TBX5: variants seen among roughly 807,000 people sequenced by gnomAD.
TBX5 encodes the protein T-box transcription factor TBX5.
A neutral mutation model predicts 51.1 loss-of-function variants in TBX5; 8 were observed. The ratio of observed to expected loss-of-function variants is 0.16; its 90% CI spans 0.09 to 0.28. The LOEUF (loss-of-function observed/expected upper bound fraction) is 0.28. Ranked by LOEUF, TBX5 falls within the 10% of genes least tolerant of loss-of-function variation. The pLI is 1.00. For missense variants in TBX5, 589 were observed against 671.7 expected (o/e 0.88, Z 1.36); for synonymous variants, 302 against 266.4 (o/e 1.13, Z -1.30).
chr12:114,390,061 A>G (rs562163953), intron 6 of TBX5, among the ~76,000 whole-genome samples: 3 of 152,292 alleles, frequency 2.0e-5, no homozygotes, highest in Non-Finnish European at 2.9e-5. Flanking sequence ...CTGTTACCCA[A>G]TCTTGCACTT....
intron 8 of TBX5, among the ~76,000 whole-genome samples, chr12:114,360,636 G>A (rs899594884): frequency 2.7e-5 from 4 of 149,158 alleles, no homozygotes; most frequent in Non-Finnish European, 4.5e-5. Flanking sequence ...GGATGAGTGG[G>A]TAGATGGATG....
chr12:114,385,707 C>T (rs1028616893), intron 6 of TBX5, 140 bp from the exon 7 acceptor site: 59 of 722,770 alleles, frequency 8.2e-5, no homozygotes, highest in South Asian at 3.7e-4. Context: ...GTCACGTCAA[C>T]GGGACCCACC....
intron 6 of TBX5, among the ~76,000 whole-genome samples, chr12:114,389,679 G>A (rs1047265258): frequency 7.2e-6 from 1 of 138,950 alleles, no homozygotes; most frequent in African/African-American, 2.7e-5. Context: ...GCGTGAACCC[G>A]GGAGGCGGAG....
Position 114,355,456 on chromosome 12 carries a change from G to T in TBX5, c.*76C>A. 6.4e-7 allele frequency: 1 copy of T among 1,560,102 alleles called. No individual in the cohort carries two copies. Among genetic ancestry groups the T allele is most frequent in the African/African-American group, 1.4e-5 (1 of 73,930 alleles). ...TGTCCGTGGGGTTCTCTTGGCTACT[G>T]TCTCTCTCCTTCTCTCTCTTTCTCC... On this transcript the variant is annotated 3_prime_UTR_variant, in exon 9 of 9. Coordinates refer to ENST00000405440, the MANE Select transcript of TBX5 (RefSeq NM_181486.4).
chr12:114,399,967 C>T (rs766994914), intron 3 of TBX5, among the ~76,000 whole-genome samples: 5 of 152,190 alleles, frequency 3.3e-5, no homozygotes, highest in Non-Finnish European at 7.3e-5. Flanking sequence ...GAGCCAGACA[C>T]CTATTATTAA....
chr12:114,388,814 G>A (rs1870981135), intron 6 of TBX5, among the ~76,000 whole-genome samples: 2 of 150,102 alleles, frequency 1.3e-5, no homozygotes, highest in South Asian at 2.1e-4. Flanking sequence ...GAACTCCTGG[G>A]CTCAAGCAAT....
At chr12:114,408,116 G>T, upstream of TBX5, 3 of 985,422 alleles carry the variant, frequency 3.0e-6, no homozygotes, top group South Asian at 1.4e-4. Flanking sequence ...CACGAGTCAC[G>T]CAACCGGCCC....
Position 114,405,914 on chromosome 12 carries a change from A to G in TBX5, c.-325T>C, listed in dbSNP as rs764021679. On this transcript the variant is annotated 5_prime_UTR_variant, in exon 1 of 9. Coordinates refer to ENST00000405440, the MANE Select transcript of TBX5 (RefSeq NM_181486.4). The stretch of plus-strand genomic sequence containing the variant: ...AAAATAGCCTCCAAGAGCACCGGCA[A>G]CCATATAATCTCAGTGCCCCGCTCC... 49 of 985,458 alleles carry G rather than the reference A, an allele frequency of 5.0e-5. No homozygotes were observed. The highest frequency in any genetic ancestry group is 5.2e-4 in the Middle Eastern group (1 of 1,936). 61.0% of individuals were successfully genotyped at this position (985,458 alleles called of 1,614,324 possible).
intron 7 of TBX5, among the ~76,000 whole-genome samples, chr12:114,367,754 C>G (rs1193032098): frequency 6.6e-6 from 1 of 152,086 alleles, no homozygotes; most frequent in Non-Finnish European, 1.5e-5. Context: ...CCCTAACATC[C>G]CATATCCAGC....
chr12:114,405,072 G>T (rs1484117927), intron 1 of TBX5, among the ~76,000 whole-genome samples: 1 of 152,230 alleles, frequency 6.6e-6, no homozygotes, highest in African/African-American at 2.4e-5. Context: ...ACTTTGGGAA[G>T]CGGGCACAAG....
intron 7 of TBX5, among the ~76,000 whole-genome samples, chr12:114,370,893 T>C (rs969426316): frequency 4.6e-5 from 7 of 152,054 alleles, no homozygotes; most frequent in Admixed American, 2.0e-4. Context: ...CCGAGCAGTG[T>C]ACACTGTACC....
At chr12:114,384,966 G>A (rs1375168438) in intron 7 of TBX5, among the ~76,000 whole-genome samples, 3 of 152,138 alleles carry the variant, frequency 2.0e-5, no homozygotes, top group African/African-American at 4.8e-5. Flanking sequence ...CACAGGATAT[G>A]TAAAAATACC....
rs139525393 is a variant in TBX5 at position 114,377,243 on chromosome 12, G to C, written c.755+8233C>G. Among the ~76,000 whole-genome samples the C allele has an allele frequency of 2.8e-4, 43 of 152,278 alleles. No homozygotes were observed. In the East Asian group the frequency reaches 8.3e-3, roughly 29 times the overall value. On this transcript the variant is annotated intron_variant, in intron 7 of 8. Coordinates refer to ENST00000405440, the MANE Select transcript of TBX5 (RefSeq NM_181486.4). ...TTTAACCACAAGCATGAGAACACAA[G>C]AGTGCTAAGCCTTCAGTTTGAAAAA...
At chr12:114,359,106 A>C (rs1869089030) in intron 8 of TBX5, among the ~76,000 whole-genome samples, 3 of 152,242 alleles carry the variant, frequency 2.0e-5, no homozygotes, top group Admixed American at 6.5e-5. Context: ...AAGAATAATA[A>C]GAAAACGGCC....
At chr12:114,363,985 C>T (rs1482125613) in intron 8 of TBX5, among the ~76,000 whole-genome samples, 1 of 152,172 alleles carries the variant, frequency 6.6e-6, no homozygotes, top group Non-Finnish European at 1.5e-5. Flanking sequence ...CGCCAGGGGG[C>T]CTGTTGGAGT....
At chr12:114,371,559 G>C (rs955081091) in intron 7 of TBX5, among the ~76,000 whole-genome samples, 1 of 151,700 alleles carries the variant, frequency 6.6e-6, no homozygotes, top group Non-Finnish European at 1.5e-5. Context: ...GCAGGTGGCA[G>C]GGGGCGCTGG....
intron 6 of TBX5, among the ~76,000 whole-genome samples, chr12:114,392,163 T>G (rs1259435127): frequency 7.3e-6 from 1 of 137,112 alleles, no homozygotes; most frequent in Non-Finnish European, 1.5e-5. Context: ...AGACACACGA[T>G]TCCCTGGATT....
upstream of TBX5, chr12:114,407,186 C>A: frequency 2.3e-6 from 2 of 878,812 alleles, no homozygotes; most frequent in Non-Finnish European, 2.7e-6. Flanking sequence ...GGAGAATCTC[C>A]AACCCTGAAT....
At chr12:114,372,960 G>A (rs192690178) in intron 7 of TBX5, among the ~76,000 whole-genome samples, 138 of 143,958 alleles carry the variant, frequency 9.6e-4, no homozygotes, top group African/African-American at 3.4e-3. Context: ...TGCATGGAAA[G>A]GCTTAGCGAA....
Sources: gnomAD v4.1 joint callset for allele counts (sites outside exome capture counted in the v4.1 genomes callset) on GRCh38, gnomAD v4.1.1 for gene constraint, MANE v1.5 for transcripts, NCBI Gene and HGNC (gene_info 2026-07-23, HGNC 2026-07-21) for gene names.